SLC44A1: variants seen among roughly 807,000 people sequenced by gnomAD.
SLC44A1 encodes the protein choline transporter-like protein 1.
In SLC44A1, 26 loss-of-function variants were observed where a neutral mutation model predicts 79.3. The ratio of observed to expected loss-of-function variants is 0.33; its 90% CI spans 0.24 to 0.46. The LOEUF (loss-of-function observed/expected upper bound fraction) is 0.46, where lower values mean the gene tolerates loss of function less well. Among genes scored for constraint, SLC44A1 ranks in the 20% least tolerant of loss-of-function variants. The pLI, the probability that SLC44A1 is intolerant of heterozygous loss-of-function variation, is 1.00. For synonymous variants in SLC44A1, 263 were observed against 286.2 expected, an observed-to-expected ratio of 0.92 and a Z score of 0.82; for missense variants, 688 against 798.1, an observed-to-expected ratio of 0.86 and a Z score of 1.66.
At chr9:105,323,100 C>T (rs1434047142) in intron 3 of SLC44A1, among the ~76,000 whole-genome samples, 1 of 148,798 alleles carries the variant, frequency 6.7e-6, no homozygotes, top group Non-Finnish European at 1.5e-5. Flanking sequence ...CCTGTAATCC[C>T]AGCCACTTGG....
chr9:105,312,180 T>C lies in SLC44A1; in HGVS notation c.269+2314T>C, dbSNP rs144042839. On this transcript the variant is annotated intron_variant, in intron 3 of 15. Transcript: ENST00000374720. The stretch of plus-strand genomic sequence containing the variant: ...TCCTCTAAAATCTCAACTATAGCTC[T>C]TTCTTGACTTCATGAATATTGTTTC... 1.7e-3 allele frequency among the ~76,000 whole-genome samples: 253 copies of C among 152,308 alleles called. 2 individuals are homozygous for C. The highest frequency in any genetic ancestry group is 5.7e-3 in the African/African-American group (236 of 41,566).
At chr9:105,358,265 G>A (rs1464199307) in intron 6 of SLC44A1, 79 bp from the exon 7 acceptor site, 2 of 808,670 alleles carry the variant, frequency 2.5e-6, no homozygotes, top group Non-Finnish European at 2.0e-6. Context: ...GGGGAAAAAA[G>A]CAACCATTTA....
intron 1 of SLC44A1, among the ~76,000 whole-genome samples, chr9:105,277,418 G>A (rs1830233601): frequency 6.6e-6 from 1 of 152,114 alleles, no homozygotes; most frequent in African/African-American, 2.4e-5. Flanking sequence ...ATTCCCTGAT[G>A]GCAGGTACTC....
chr9:105,282,079 TA>T (rs1043723655), intron 1 of SLC44A1, among the ~76,000 whole-genome samples: 5 of 152,200 alleles, frequency 3.3e-5, no homozygotes, highest in African/African-American at 1.2e-4. Flanking sequence ...TAAATTGCCG[TA>T]ATTGTATACA....
At chr9:105,352,495 G>T (rs1440436612) in intron 5 of SLC44A1, among the ~76,000 whole-genome samples, 2 of 152,084 alleles carry the variant, frequency 1.3e-5, no homozygotes, top group African/African-American at 4.8e-5. Flanking sequence ...ATTTTTAAAA[G>T]ACTCATTATA....
chr9:105,247,174 C>T (rs1227808133), intron 1 of SLC44A1, among the ~76,000 whole-genome samples: 1 of 151,768 alleles, frequency 6.6e-6, no homozygotes, highest in Non-Finnish European at 1.5e-5. Flanking sequence ...TTTTAACTCT[C>T]CTTTCAGGAG....
intron 15 of SLC44A1, among the ~76,000 whole-genome samples, chr9:105,423,827 A>G (rs1039082902): frequency 2.6e-5 from 4 of 152,184 alleles, no homozygotes; most frequent in African/African-American, 9.6e-5. Flanking sequence ...AACTTATGAG[A>G]GCAATAGATG....
intron 15 of SLC44A1, among the ~76,000 whole-genome samples, chr9:105,436,228 A>G (rs956143412): frequency 2.6e-5 from 4 of 152,218 alleles, no homozygotes; most frequent in African/African-American, 4.8e-5. Context: ...AGTTTATTAA[A>G]TAGAAAAATA....
chr9:105,364,785 G>A (rs1827891165), intron 10 of SLC44A1, 65 bp downstream of exon 10: 2 of 1,340,588 alleles, frequency 1.5e-6, no homozygotes, highest in African/African-American at 1.5e-5. Context: ...AGGCTGGAGG[G>A]GAAGGGAATC....
At chr9:105,401,172 A>G (rs927970166), downstream of SLC44A1, among the ~76,000 whole-genome samples, 1 of 152,374 alleles carries the variant, frequency 6.6e-6, no homozygotes, top group East Asian at 1.9e-4. Context: ...ATCTATTTAC[A>G]TAAAAATGAT....
rs769514964 is a variant in SLC44A1, at chr9:105,364,711, A to G, written c.1244A>G (p.Tyr415Cys). 1.2e-6 allele frequency: 2 copies of G among 1,612,600 alleles called. No homozygotes were observed. Among genetic ancestry groups the G allele is most frequent in the Non-Finnish European group, 1.7e-6 (2 of 1,179,316 alleles). The stretch of plus-strand genomic sequence containing the variant: ...GTGGCAGGAGCTGTGGTAACATACT[A>G]TTTTACTAGGTAAGAATATGTTGTT... ...MTVAGAVVTYYFTRDKRNLPF... is the reference protein window; with the variant it reads ...MTVAGAVVTYCFTRDKRNLPF... The change falls in exon 10 of 16, where the codon TAT (tyrosine) becomes TGT (cysteine). Residue 415 changes from tyrosine (Y) to cysteine (C), a missense_variant. Tyr to Cys is a radical substitution (Grantham distance 194, BLOSUM62 -2). Transcript: ENST00000374720.
chr9:105,262,937 T>C (rs1293603101), intron 1 of SLC44A1, among the ~76,000 whole-genome samples: 2 of 152,228 alleles, frequency 1.3e-5, no homozygotes, highest in Non-Finnish European at 2.9e-5. Context: ...TTAAGACTTT[T>C]GAAATGAAAA....
At chr9:105,296,197 C>A (rs1429905432) in intron 1 of SLC44A1, among the ~76,000 whole-genome samples, 1 of 152,092 alleles carries the variant, frequency 6.6e-6, no homozygotes, top group Admixed American at 6.5e-5. Flanking sequence ...GTGAAGTAAG[C>A]CACCCCTCCT....
intron 13 of SLC44A1, among the ~76,000 whole-genome samples, chr9:105,380,088 T>G (rs755465143): frequency 6.6e-5 from 10 of 152,194 alleles, no homozygotes; most frequent in Non-Finnish European, 1.3e-4. Flanking sequence ...GGCATTGCAT[T>G]AAATACTTTT....
intron 12 of SLC44A1, among the ~76,000 whole-genome samples, chr9:105,369,450 G>C (rs1440763614): frequency 6.6e-6 from 1 of 152,046 alleles, no homozygotes; most frequent in African/African-American, 2.4e-5. Flanking sequence ...CATGAGAGTA[G>C]AGCCCTCATG....
chr9:105,341,632 T>C (rs1299262808), intron 4 of SLC44A1, among the ~76,000 whole-genome samples: 1 of 152,168 alleles, frequency 6.6e-6, no homozygotes, highest in Non-Finnish European at 1.5e-5. Context: ...GGCCCTAATA[T>C]AGAGGCTCAC....
At chr9:105,399,391 A>T (rs1828927213), downstream of SLC44A1, among the ~76,000 whole-genome samples, 1 of 152,262 alleles carries the variant, frequency 6.6e-6, no homozygotes, top group Non-Finnish European at 1.5e-5. Context: ...CTGTAACCTC[A>T]CATTGGGAGA....
At chr9:105,357,179 T>C (rs1827647716) in intron 6 of SLC44A1, 1 of 152,220 alleles carries the variant, frequency 6.6e-6, no homozygotes, top group Admixed American at 6.5e-5. Flanking sequence ...GAAATAATGC[T>C]GTCCATATGA....
intron 13 of SLC44A1, among the ~76,000 whole-genome samples, chr9:105,381,335 A>G (rs571986889): frequency 6.6e-6 from 1 of 151,680 alleles, no homozygotes; most frequent in South Asian, 2.1e-4. Flanking sequence ...AGGTCAGGAG[A>G]TCGAGACCAG....
Sources: allele counts gnomAD v4.1 joint callset (sites outside exome capture counted in the v4.1 genomes callset), GRCh38; gene constraint gnomAD v4.1.1; transcripts MANE v1.5; gene names NCBI Gene and HGNC (gene_info 2026-07-23, HGNC 2026-07-21).